The following ALPK2 variants were observed in gnomAD, a reference collection of about 807,000 sequenced individuals.
ALPK2 encodes alpha kinase 2.
A neutral mutation model predicts 163.1 loss-of-function variants in ALPK2; 127 were observed. The ratio of observed to expected loss-of-function variants is 0.78; its 90% CI spans 0.67 to 0.90. ALPK2 has a LOEUF of 0.90. Among genes scored for constraint, ALPK2 ranks in the 40% least tolerant of loss-of-function variants. The pLI is 0.00. For synonymous variants in ALPK2, 953 were observed against 959.1 expected (o/e 0.99, Z 0.12); for missense variants, 2,360 against 2,589.6 (o/e 0.91, Z 1.92).
At chr18:58,571,743 C>T (rs927901882) in intron 4 of ALPK2, among the ~76,000 whole-genome samples, 34 of 151,840 alleles carry the variant, frequency 2.2e-4, no homozygotes, top group African/African-American at 8.2e-4. Flanking sequence ...TTTAGGAGGC[C>T]GAGGTGGGCA....
At chr18:58,605,678 T>A (rs1192195551) in intron 3 of ALPK2, among the ~76,000 whole-genome samples, 2 of 152,178 alleles carry the variant, frequency 1.3e-5, no homozygotes, top group Non-Finnish European at 2.9e-5. Context: ...TTACAGCTGG[T>A]TTCTAAGCTG....
intron 4 of ALPK2, among the ~76,000 whole-genome samples, chr18:58,565,310 GTTTTAAGAGA>G (rs1477034911): frequency 6.6e-6 from 1 of 152,126 alleles, no homozygotes; most frequent in Non-Finnish European, 1.5e-5. Context: ...GCCCTTTTCA[GTTTTAAGAGA>G]TTTTAAGAGA....
At chr18:58,513,720 AT>A (rs548426348) in intron 10 of ALPK2, among the ~76,000 whole-genome samples, 5 of 152,024 alleles carry the variant, frequency 3.3e-5, no homozygotes, top group Admixed American at 2.0e-4. Flanking sequence ...CTACGAGAAA[AT>A]TTTTTTTAAT....
Position 58,570,129 on chromosome 18 carries a change from C to CA in ALPK2, c.1962+8684dup, listed in dbSNP as rs11329554. Among the ~76,000 whole-genome samples, 300 of 125,390 alleles carry CA rather than the reference C, an allele frequency of 2.4e-3. 1 individual carries two copies. The highest frequency in any genetic ancestry group is 8.6e-3 in the Middle Eastern group (2 of 232). 82.3% of individuals were successfully genotyped at this position (125,390 alleles called of 152,430 possible). A position where few individuals can be genotyped will look rare whatever the true frequency, so the allele number is the denominator to read the frequency against. On this transcript the variant is annotated intron_variant, in intron 4 of 12. Transcript: ENST00000361673. ...TGGGTGACAGAGCGAGACTCCGTCTCAAAAAAAAAAAAAAAAAGAAAAGAA... is the reference window on the plus strand; with the variant it reads ...TGGGTGACAGAGCGAGACTCCGTCTCAAAAAAAAAAAAAAAAAAGAAAAGAA...
chr18:58,572,211 A>G (rs1250959905), intron 4 of ALPK2, among the ~76,000 whole-genome samples: 1 of 152,350 alleles, frequency 6.6e-6, no homozygotes, highest in Non-Finnish European at 1.5e-5. Flanking sequence ...CACCACACAC[A>G]TATCAGAAAG....
chr18:58,583,537 A>G (rs2051970387), intron 3 of ALPK2, among the ~76,000 whole-genome samples: 2 of 152,080 alleles, frequency 1.3e-5, no homozygotes. Flanking sequence ...CTACAAGCTG[A>G]GCACAGTGGC....
intron 10 of ALPK2, 117 bp downstream of exon 10, chr18:58,514,876 G>T: frequency 1.7e-6 from 1 of 591,110 alleles, no homozygotes; most frequent in Non-Finnish European, 2.9e-6. Context: ...CCCTCATGGA[G>T]CTTACAGACT....
chr18:58,504,929 G>A (rs2051453972), intron 10 of ALPK2, among the ~76,000 whole-genome samples: 1 of 152,184 alleles, frequency 6.6e-6, no homozygotes. Context: ...CAGGGCAGGA[G>A]CAGCACTCCT....
At chr18:58,525,940 A>G (rs114357548) in intron 6 of ALPK2, among the ~76,000 whole-genome samples, 75 of 137,576 alleles carry the variant, frequency 5.5e-4, no homozygotes, top group African/African-American at 2.0e-3. Flanking sequence ...CTCTGTGCTT[A>G]GTACTGGGGG....
At chr18:58,488,661 T>C (rs2051353391) in intron 12 of ALPK2, among the ~76,000 whole-genome samples, 2 of 151,868 alleles carry the variant, frequency 1.3e-5, no homozygotes, top group African/African-American at 4.8e-5. Context: ...AGAAGCTACA[T>C]TGAACAGCTT....
At chr18:58,493,731 C>G (rs937331606) in intron 12 of ALPK2, among the ~76,000 whole-genome samples, 9 of 152,150 alleles carry the variant, frequency 5.9e-5, no homozygotes, top group African/African-American at 2.2e-4. Context: ...GTCAGGGACG[C>G]TTGACACAAG....
intron 1 of ALPK2, among the ~76,000 whole-genome samples, chr18:58,614,940 C>T (rs1190005474): frequency 6.6e-6 from 1 of 151,812 alleles, no homozygotes; most frequent in Non-Finnish European, 1.5e-5. Flanking sequence ...CAGAGGCAAT[C>T]ACTAATCTAC....
chr18:58,485,713 G>A (rs968596746), intron 12 of ALPK2, among the ~76,000 whole-genome samples: 1 of 152,206 alleles, frequency 6.6e-6, no homozygotes, highest in Non-Finnish European at 1.5e-5. Context: ...TTTCCTGTAT[G>A]CCTGAGCGCT....
At position 58,516,996 on chromosome 18, in the gene ALPK2, G is replaced by T. The variant is rs1004905892; in HGVS notation, c.5852C>A (p.Ala1951Asp). ...GGCATTGTGCACCTTAAGCACACAG[G>T]CATGGCCAGGTTTGAAGACAGGCAT... ...GLMPVFKPGH[A>D]CVLKVHNAIA... Residue 1951 changes from alanine (A) to aspartate (D), a missense_variant, in exon 9 of 13, where the codon GCC (alanine) becomes GAC (aspartate). Coordinates refer to ENST00000361673, the MANE Select transcript of ALPK2 (RefSeq NM_052947.4). 6.2e-7 allele frequency: 1 copy of T among 1,614,200 alleles called. No homozygotes were observed. The highest frequency in any genetic ancestry group is 1.3e-5 in the African/African-American group (1 of 75,056).
intron 4 of ALPK2, among the ~76,000 whole-genome samples, chr18:58,576,610 ATAGT>A (rs559422344): frequency 1.2e-3 from 181 of 152,368 alleles, no homozygotes; most frequent in African/African-American, 3.7e-3. Context: ...ATCTGTGATG[ATAGT>A]TAGCCACTTG....
chr18:58,583,953 G>T (rs1602229245), intron 3 of ALPK2, among the ~76,000 whole-genome samples: 1 of 152,164 alleles, frequency 6.6e-6, no homozygotes, highest in Admixed American at 6.5e-5. Context: ...ACAAGGGGCA[G>T]TAAAGCAGTA....
chr18:58,573,613 CT>C (rs778622176), intron 4 of ALPK2, among the ~76,000 whole-genome samples: 2,534 of 51,770 alleles, frequency 0.049, 98 homozygotes, highest in African/African-American at 0.16. Context: ...TTTTTGTCTT[CT>C]TTTTTTTTTT....
intron 9 of ALPK2, among the ~76,000 whole-genome samples, chr18:58,515,910 G>A (rs184181921): frequency 1.2e-3 from 176 of 152,280 alleles, no homozygotes; most frequent in Admixed American, 7.8e-3. Context: ...CACCAGTGCC[G>A]GTGTAAACAG....
chr18:58,514,965 T>C (rs746712901), intron 10 of ALPK2, 28 bp downstream of exon 10: 1 of 1,582,484 alleles, frequency 6.3e-7, no homozygotes, highest in South Asian at 1.1e-5. Flanking sequence ...GTCAGGAGTG[T>C]GACACAAGGC....
Sources: allele counts gnomAD v4.1 joint callset (sites outside exome capture counted in the v4.1 genomes callset), GRCh38; gene constraint gnomAD v4.1.1; transcripts MANE v1.5; gene names NCBI Gene and HGNC (gene_info 2026-07-23, HGNC 2026-07-21).